RGS22: variants seen among roughly 807,000 people sequenced by gnomAD.
RGS22 encodes the protein regulator of G-protein signaling 22.
Under a neutral mutation model 172.9 loss-of-function variants are expected in RGS22, and 148 were observed. That is an observed-to-expected ratio of 0.86 (90% CI 0.75 to 0.98). RGS22 has a LOEUF of 0.98. Ranked by LOEUF, RGS22 falls within the 50% of genes least tolerant of loss-of-function variation. The pLI, the probability that RGS22 is intolerant of heterozygous loss-of-function variation, is 0.00. For missense variants in RGS22, 1,347 were observed against 1,440.8 expected, an observed-to-expected ratio of 0.93 and a Z score of 1.05; for synonymous variants, 458 against 480.2, an observed-to-expected ratio of 0.95 and a Z score of 0.60.
At chr8:100,055,721 C>A (rs975497642) in intron 9 of RGS22, among the ~76,000 whole-genome samples, 3 of 152,176 alleles carry the variant, frequency 2.0e-5, no homozygotes, top group Non-Finnish European at 4.4e-5. Context: ...TGCACAAGTT[C>A]TTTTGCCTGC....
intron 1 of RGS22, 66 bp from the exon 2 acceptor site, chr8:100,105,468 T>C (rs1388541658): frequency 5.2e-6 from 7 of 1,354,310 alleles, no homozygotes; most frequent in Non-Finnish European, 7.4e-6. Context: ...AATGAAATCA[T>C]GGGAGACAGC....
At chr8:100,016,968 C>T (rs1453454661) in intron 14 of RGS22, among the ~76,000 whole-genome samples, 3 of 125,694 alleles carry the variant, frequency 2.4e-5, no homozygotes, top group East Asian at 4.8e-4. Flanking sequence ...ATCCCTGATT[C>T]CTTACCAGTC....
rs1563578656 is a variant in RGS22 at position 99,987,543 on chromosome 8, G to C, written c.3095C>G (p.Ser1032Ter). The C allele has an allele frequency of 6.2e-7, 1 of 1,611,576 alleles. No individual in the cohort carries two copies. Reference sequence around the variant, plus strand: ...AGCCACAAAACGTTGAAATTGTCTTGAAGTAACTGGATTCAATAATGCTTT... The same window carrying C: ...AGCCACAAAACGTTGAAATTGTCTTCAAGTAACTGGATTCAATAATGCTTT... Reference protein sequence around the residue: ...FRKALLNPVTSRQFQRFVALK... With the variant: ...FRKALLNPVT Residue 1032 changes from serine to a stop codon, truncating the protein, a stop_gained, in exon 21 of 28, where the codon TCA (serine) becomes TGA (stop). Coordinates refer to ENST00000360863, the MANE Select transcript of RGS22 (RefSeq NM_015668.5). LOFTEE classifies it high-confidence loss of function.
intron 10 of RGS22, 59 bp from the exon 11 acceptor site, chr8:100,047,655 C>A: frequency 1.4e-6 from 2 of 1,453,230 alleles, no homozygotes; most frequent in South Asian, 1.5e-5. Context: ...CAGCTCTGCA[C>A]CTATACCTCA....
intron 24 of RGS22, 81 bp downstream of exon 24, chr8:99,965,254 C>T (rs1277771883): frequency 1.1e-6 from 1 of 876,060 alleles, no homozygotes; most frequent in Non-Finnish European, 1.9e-6. Context: ...ATTTCTAGTA[C>T]TGTACAATGA....
intron 14 of RGS22, among the ~76,000 whole-genome samples, chr8:100,025,971 C>G (rs1330502433): frequency 6.6e-6 from 1 of 151,838 alleles, no homozygotes; most frequent in African/African-American, 2.4e-5. Context: ...TGGGGAGCTG[C>G]ACCTGTGCTT....
Position 99,987,571 on chromosome 8 carries a change from G to A in RGS22, c.3067C>T (p.Arg1023Cys), listed in dbSNP as rs745847509. ...GTAACTGGATTCAATAATGCTTTGC[G>A]AAAAGCAATGATTTTACAAGATGAA... ...ISSSCKIIAF[R>C]KALLNPVTSR... Residue 1023 changes from arginine to cysteine, a missense_variant, in exon 21 of 28, where the codon CGC becomes TGC. Arg to Cys is a radical substitution (Grantham distance 180, BLOSUM62 -3). Coordinates refer to ENST00000360863, the MANE Select transcript of RGS22 (RefSeq NM_015668.5). 2.2e-5 allele frequency: 35 copies of A among 1,609,548 alleles called. No individual in the cohort carries two copies. The highest frequency in any genetic ancestry group is 9.4e-5 in the African/African-American group (7 of 74,814).
chr8:100,040,028 T>C lies in RGS22; in HGVS notation c.1998A>G (p.Gln666=), dbSNP rs979785232. 14 of 1,609,558 alleles carry C rather than the reference T, an allele frequency of 8.7e-6. No individual in the cohort carries two copies. In the African/African-American group the frequency reaches 1.3e-4, roughly 15 times the overall value. Residue 666 remains glutamine, a synonymous_variant, in exon 13 of 28, where the codon CAA becomes CAG. Transcript: ENST00000360863. ...LGGSDMENLL[Q]SLYVENRAGF... ...CAGCTCTATTTTCTACATACAAAGA[T>C]TGCAACAAATTTTCCATGTCAGATC...
At chr8:100,068,299 G>A (rs1031070580) in intron 6 of RGS22, among the ~76,000 whole-genome samples, 13 of 151,986 alleles carry the variant, frequency 8.6e-5, no homozygotes, top group African/African-American at 2.4e-4. Context: ...CGGGAGAATC[G>A]CTTGAGCCAG....
At chr8:100,077,526 G>A (rs1387806972) in intron 4 of RGS22, among the ~76,000 whole-genome samples, 1 of 152,144 alleles carries the variant, frequency 6.6e-6, no homozygotes, top group East Asian at 1.9e-4. Flanking sequence ...ATGTAATTAA[G>A]TATTTAAGGA....
At chr8:100,094,016 G>A (rs1486064426) in intron 2 of RGS22, among the ~76,000 whole-genome samples, 1 of 151,870 alleles carries the variant, frequency 6.6e-6, no homozygotes, top group African/African-American at 2.4e-5. Flanking sequence ...CCCAGAATGA[G>A]GTACATTTTT....
At position 99,987,543 on chromosome 8, in the gene RGS22, G is replaced by A; in HGVS notation, c.3095C>T (p.Ser1032Leu). ...AGCCACAAAACGTTGAAATTGTCTT[G>A]AAGTAACTGGATTCAATAATGCTTT... ...FRKALLNPVT[S>L]RQFQRFVALK... Residue 1032 changes from serine (S) to leucine (L), a missense_variant, in exon 21 of 28, where the codon TCA becomes TTA. Physicochemically the swap from Ser to Leu is moderately radical, Grantham distance 145. Coordinates refer to ENST00000360863, the MANE Select transcript of RGS22 (RefSeq NM_015668.5). 2 of 1,611,576 alleles carry A rather than the reference G, an allele frequency of 1.2e-6. No individual in the cohort carries two copies. The highest frequency in any genetic ancestry group is 1.7e-6 in the Non-Finnish European group (2 of 1,178,746).
At chr8:100,051,410 T>TTA (rs535756583) in intron 10 of RGS22, among the ~76,000 whole-genome samples, 25 of 127,756 alleles carry the variant, frequency 2.0e-4, no homozygotes, top group East Asian at 4.3e-4. Flanking sequence ...TATATATTTA[T>TTA]TATATATATA....
chr8:100,076,876 T>C (rs1811389834), intron 4 of RGS22, among the ~76,000 whole-genome samples: 1 of 152,004 alleles, frequency 6.6e-6, no homozygotes, highest in African/African-American at 2.4e-5. Context: ...GCCTGTAATC[T>C]CAGCTACCTG....
At chr8:100,003,856 AAT>A in intron 17 of RGS22, 68 bp downstream of exon 17, 1 of 1,301,786 alleles carries the variant, frequency 7.7e-7, no homozygotes, top group African/African-American at 1.5e-5. Context: ...TCACTTTTAT[AAT>A]ATGTTGAATC....
At position 100,041,805 on chromosome 8, in the gene RGS22, A is replaced by T; in HGVS notation, c.1935T>A (p.Pro645=). The stretch of plus-strand genomic sequence containing the variant: ...ATTCAGTCCTCAAAACACTCACCCT[A>T]GGTTCTTCTGTATAAGCGTATCTTC... ...LDRRYAYTEE[P]RVKTVSDVGA... is the part of the protein sequence containing the mutation. Residue 645 remains proline, a synonymous_variant, in exon 12 of 28, where the codon CCT becomes CCA. Transcript: ENST00000360863. 6.4e-7 allele frequency: 1 copy of T among 1,571,064 alleles called. No homozygotes were observed. The highest frequency in any genetic ancestry group is 8.8e-7 in the Non-Finnish European group (1 of 1,141,512).
At chr8:100,021,348 GT>G (rs1817584063) in intron 14 of RGS22, among the ~76,000 whole-genome samples, 1 of 152,090 alleles carries the variant, frequency 6.6e-6, no homozygotes, top group Non-Finnish European at 1.5e-5. Flanking sequence ...AAAATTGTTT[GT>G]TTACATTCTG....
chr8:99,973,817 C>T (rs1211416191), intron 23 of RGS22, among the ~76,000 whole-genome samples: 2 of 148,688 alleles, frequency 1.3e-5, no homozygotes, highest in Non-Finnish European at 3.0e-5. Context: ...TGCAGTGAGT[C>T]GAGATTGTGC....
At chr8:100,030,936 C>T (rs1281830827) in intron 14 of RGS22, among the ~76,000 whole-genome samples, 1 of 151,942 alleles carries the variant, frequency 6.6e-6, no homozygotes, top group African/African-American at 2.4e-5. Flanking sequence ...CCGAAATTAA[C>T]AAAAATAGTG....
Sources: allele counts gnomAD v4.1 joint callset (sites outside exome capture counted in the v4.1 genomes callset), GRCh38; gene constraint gnomAD v4.1.1; transcripts MANE v1.5; gene names NCBI Gene and HGNC (gene_info 2026-07-23, HGNC 2026-07-21).